GAR1: variants seen among roughly 807,000 people sequenced by gnomAD.
GAR1 encodes the protein GAR1 ribonucleoprotein.
In GAR1, 11 loss-of-function variants were observed where a neutral mutation model predicts 29.3. The ratio of observed to expected loss-of-function variants is 0.38; its 90% CI spans 0.24 to 0.62. The LOEUF is 0.62. GAR1 is among the 20% of genes least tolerant of loss of function. The pLI, the probability that GAR1 is intolerant of heterozygous loss-of-function variation, is 0.62. For missense variants in GAR1, 237 were observed against 268.4 expected (o/e 0.88, Z 0.82); for synonymous variants, 87 against 93.3 (o/e 0.93, Z 0.39).
chr4:109,818,510 G>C (rs1579352049), intron 3 of GAR1, among the ~76,000 whole-genome samples: 1 of 129,700 alleles, frequency 7.7e-6, no homozygotes, highest in Non-Finnish European at 1.7e-5. Flanking sequence ...TCTCTCTCTT[G>C]CTCTTTCCCT....
In GAR1 at chr4:109,824,515, T is replaced by A; in HGVS notation, c.*84T>A. ...CTACTATGGATTGGAAACTTGTTTCTTGAACAAGTCTTGAAGATCTTGGTC... is the reference window on the plus strand; with the variant it reads ...CTACTATGGATTGGAAACTTGTTTCATGAACAAGTCTTGAAGATCTTGGTC... On this transcript the variant is annotated 3_prime_UTR_variant, in exon 7 of 7. Coordinates refer to ENST00000226796, the MANE Select transcript of GAR1 (RefSeq NM_018983.4). 3 of 1,002,540 alleles carry A rather than the reference T, an allele frequency of 3.0e-6. No homozygotes were observed. The highest frequency in any genetic ancestry group is 1.6e-5 in the African/African-American group (1 of 62,916). 62.1% of individuals were successfully genotyped at this position (1,002,540 alleles called of 1,614,324 possible).
chr4:109,819,960 T>G (rs1325009566), intron 4 of GAR1, among the ~76,000 whole-genome samples: 1 of 152,148 alleles, frequency 6.6e-6, no homozygotes, highest in Non-Finnish European at 1.5e-5. Context: ...AGGAAAGAGT[T>G]TAGACCTTAG....
intron 1 of GAR1, 123 bp from the exon 2 acceptor site, chr4:109,816,030 C>T: frequency 2.2e-6 from 2 of 918,976 alleles, no homozygotes; most frequent in Admixed American, 1.9e-5. Flanking sequence ...GCTGTCTGAC[C>T]GTGGGTGAGG....
At chr4:109,824,115 A>C (rs1733590928) in intron 6 of GAR1, 82 bp downstream of exon 6, 1 of 951,282 alleles carries the variant, frequency 1.1e-6, no homozygotes, top group African/African-American at 1.6e-5. Context: ...CTTAAGTTTA[A>C]TTTTCTCTGC....
intron 4 of GAR1, chr4:109,819,703 A>T (rs1733460401): frequency 1.3e-5 from 2 of 152,482 alleles, no homozygotes; most frequent in African/African-American, 2.4e-5. Context: ...AAAAAGGAAA[A>T]GCACTTGGAT....
chr4:109,817,062 T>C (rs981472437), intron 2 of GAR1, among the ~76,000 whole-genome samples: 2 of 152,114 alleles, frequency 1.3e-5, no homozygotes, highest in Admixed American at 6.6e-5. Flanking sequence ...GGGTGAGTAG[T>C]GTCTAACTAA....
chr4:109,815,865 G>C (rs1040174280), intron 1 of GAR1, 61 bp downstream of exon 1: 2 of 391,866 alleles, frequency 5.1e-6, no homozygotes, highest in African/African-American at 2.1e-5. Flanking sequence ...AACTGCCGGA[G>C]GGAGGGAGGA....
intron 3 of GAR1, 39 bp downstream of exon 3, chr4:109,818,129 G>A (rs1733403564): frequency 6.7e-7 from 1 of 1,482,756 alleles, no homozygotes; most frequent in African/African-American, 1.4e-5. Flanking sequence ...ATATTCAAAG[G>A]TTGCTATTTG....
intron 5 of GAR1, 149 bp downstream of exon 5, chr4:109,822,637 A>T (rs985787815): frequency 1.4e-6 from 1 of 712,724 alleles, no homozygotes; most frequent in African/African-American, 1.8e-5. Flanking sequence ...TGTCCATAAT[A>T]ATAATGCTTC....
At chr4:109,817,147 G>A (rs1294434292) in intron 2 of GAR1, among the ~76,000 whole-genome samples, 1 of 152,170 alleles carries the variant, frequency 6.6e-6, no homozygotes, top group Non-Finnish European at 1.5e-5. Context: ...CCCACAAGCT[G>A]TTGTACCAGT....
chr4:109,824,265 T>C (rs1441966438), intron 6 of GAR1, among the ~76,000 whole-genome samples, 153 bp from the exon 7 acceptor site: 1 of 152,092 alleles, frequency 6.6e-6, no homozygotes. Flanking sequence ...ATTTGAAAAA[T>C]AAAGGTGTAA....
At chr4:109,815,548 A>C (rs1733322589), upstream of GAR1, 1 of 153,976 alleles carries the variant, frequency 6.5e-6, no homozygotes, top group African/African-American at 2.4e-5. Context: ...AGCGTCAGGC[A>C]AGTTGGCCTC....
intron 3 of GAR1, among the ~76,000 whole-genome samples, chr4:109,818,567 CTTTTTTTT>C (rs34081446): frequency 8.1e-6 from 1 of 123,776 alleles, no homozygotes; most frequent in Admixed American, 9.0e-5. Context: ...TTCTTTTTTC[CTTTTTTTT>C]TTTTTTTTTG....
At chr4:109,817,842 A>G (rs976933655) in intron 2 of GAR1, 94 bp from the exon 3 acceptor site, 2 of 951,204 alleles carry the variant, frequency 2.1e-6, no homozygotes, top group African/African-American at 3.3e-5. Flanking sequence ...GTTATGGTGA[A>G]GTCCCAGGTA....
chr4:109,816,800 C>A (rs1351292330), intron 2 of GAR1, among the ~76,000 whole-genome samples: 1 of 152,046 alleles, frequency 6.6e-6, no homozygotes, highest in Non-Finnish European at 1.5e-5. Flanking sequence ...TAGAGACCAG[C>A]CTGGATAATA....
At chr4:109,818,567 C>CTTTTTT (rs34081446) in intron 3 of GAR1, among the ~76,000 whole-genome samples, 1 of 123,776 alleles carries the variant, frequency 8.1e-6, no homozygotes, top group Non-Finnish European at 1.6e-5. Context: ...TTCTTTTTTC[C>CTTTTTT]TTTTTTTTTT....
chr4:109,823,003 C>A (rs1733561562), intron 5 of GAR1, among the ~76,000 whole-genome samples: 4 of 152,228 alleles, frequency 2.6e-5, no homozygotes, highest in Non-Finnish European at 5.9e-5. Flanking sequence ...AGAACTATTA[C>A]TAATAAATTC....
At chr4:109,821,429 GT>G (rs1733508978) in intron 4 of GAR1, among the ~76,000 whole-genome samples, 1 of 152,172 alleles carries the variant, frequency 6.6e-6, no homozygotes, top group Non-Finnish European at 1.5e-5. Flanking sequence ...ATATATTACA[GT>G]TTTGAAATCC....
chr4:109,816,148 A>G lies in GAR1; in HGVS notation c.-12-5A>G. 1.2e-6 allele frequency: 2 copies of G among 1,607,802 alleles called. No homozygotes were observed. The highest frequency in any genetic ancestry group is 8.5e-7 in the Non-Finnish European group (1 of 1,177,376). ...AGAAGACATAGGTCGTTTTTTTTTC[A>G]TCAGGGAGGAGAGAGAATGTCTTTT... On this transcript the variant is annotated splice_region_variant and splice_polypyrimidine_tract_variant and intron_variant, in intron 1 of 6. Coordinates refer to ENST00000226796, the MANE Select transcript of GAR1 (RefSeq NM_018983.4).
Sources: allele counts gnomAD v4.1 joint callset (sites outside exome capture counted in the v4.1 genomes callset), GRCh38; gene constraint gnomAD v4.1.1; transcripts MANE v1.5; gene names NCBI Gene and HGNC (gene_info 2026-07-23, HGNC 2026-07-21).